MAST4: variants seen among roughly 807,000 people sequenced by gnomAD.
MAST4 encodes microtubule associated serine/threonine kinase family member 4.
A neutral mutation model predicts 162.7 loss-of-function variants in MAST4; 89 were observed. That is an observed-to-expected ratio of 0.55 (90% confidence interval 0.46 to 0.65). The LOEUF is 0.65. Ranked by LOEUF, MAST4 falls within the 30% of genes least tolerant of loss-of-function variation. The pLI is 0.00. For synonymous variants in MAST4, 1,479 were observed against 1,361.1 expected (o/e 1.09, Z -1.91); for missense variants, 3,153 against 3,374.0 (o/e 0.93, Z 1.62).
chr5:67,090,104 G>T, intron 5 of MAST4, 58 bp from the exon 6 acceptor site: 2 of 1,129,590 alleles, frequency 1.8e-6, no homozygotes, highest in South Asian at 2.6e-5. Flanking sequence ...GAGAATTATT[G>T]ATGTGGAAAT....
intron 18 of MAST4, among the ~76,000 whole-genome samples, chr5:67,135,391 G>A (rs577174496): frequency 3.9e-4 from 59 of 152,210 alleles, no homozygotes; most frequent in African/African-American, 1.4e-3. Context: ...AATTTCCCTG[G>A]AACATACATC....
At chr5:67,140,086 GAT>G (rs1298489400) in intron 19 of MAST4, among the ~76,000 whole-genome samples, 1 of 152,178 alleles carries the variant, frequency 6.6e-6, no homozygotes, top group Non-Finnish European at 1.5e-5. Flanking sequence ...CTGCTTTTCT[GAT>G]AAAATCGAGC....
chr5:67,154,895 T>A (rs1772296707), intron 26 of MAST4, among the ~76,000 whole-genome samples: 1 of 152,238 alleles, frequency 6.6e-6, no homozygotes, highest in African/African-American at 2.4e-5. Context: ...AATCAGAGTA[T>A]TAAGTGACTA....
chr5:66,799,803 G>T (rs1755828900), intron 3 of MAST4, among the ~76,000 whole-genome samples: 1 of 152,130 alleles, frequency 6.6e-6, no homozygotes, highest in African/African-American at 2.4e-5. Flanking sequence ...TCCAGTGCCT[G>T]GCTGCCTGGG....
chr5:66,806,794 T>A (rs560790568), intron 3 of MAST4, among the ~76,000 whole-genome samples: 100 of 152,336 alleles, frequency 6.6e-4, no homozygotes, highest in African/African-American at 2.3e-3. Flanking sequence ...TGTACTTTTT[T>A]ATTACATCTC....
At chr5:67,046,326 C>T (rs1350046269) in intron 4 of MAST4, among the ~76,000 whole-genome samples, 1 of 152,102 alleles carries the variant, frequency 6.6e-6, no homozygotes, top group Non-Finnish European at 1.5e-5. Flanking sequence ...GATGGATAAT[C>T]TGCAATGCAT....
chr5:67,141,498 G>T (rs1156693722), intron 19 of MAST4, among the ~76,000 whole-genome samples: 1 of 152,064 alleles, frequency 6.6e-6, no homozygotes, highest in African/African-American at 2.4e-5. Flanking sequence ...CTTTCATGCT[G>T]ACTTGGAAAA....
intron 4 of MAST4, among the ~76,000 whole-genome samples, chr5:66,981,942 T>C (rs924577794): frequency 2.0e-5 from 3 of 152,230 alleles, no homozygotes; most frequent in Admixed American, 1.3e-4. Context: ...TCTTACTCTT[T>C]GTTTATTTGA....
chr5:67,076,391 A>T (rs1006353792), intron 5 of MAST4, among the ~76,000 whole-genome samples: 3 of 152,112 alleles, frequency 2.0e-5, no homozygotes, highest in Admixed American at 6.5e-5. Flanking sequence ...ACACAGATGC[A>T]TGTGTCTGTT....
intron 1 of MAST4, among the ~76,000 whole-genome samples, chr5:66,691,156 A>G (rs1156952934): frequency 6.6e-6 from 1 of 152,308 alleles, no homozygotes; most frequent in South Asian, 2.1e-4. Context: ...TCATTAGACT[A>G]GATCGGTTTT....
intron 3 of MAST4, among the ~76,000 whole-genome samples, chr5:66,861,562 A>G (rs1018701539): frequency 2.6e-5 from 4 of 152,238 alleles, no homozygotes; most frequent in African/African-American, 7.2e-5. Context: ...CACACATGCT[A>G]TGTGAGCCCC....
chr5:66,776,264 G>A (rs1440388482), intron 2 of MAST4, among the ~76,000 whole-genome samples: 1 of 152,148 alleles, frequency 6.6e-6, no homozygotes, highest in African/African-American at 2.4e-5. Flanking sequence ...ATGTTGGATG[G>A]TTGTCAGAAA....
At chr5:66,668,481 A>T (rs1404357737) in intron 1 of MAST4, among the ~76,000 whole-genome samples, 1 of 152,226 alleles carries the variant, frequency 6.6e-6, no homozygotes, top group Admixed American at 6.5e-5. Context: ...AAGGGAGTCT[A>T]GAGTGGGTTG....
intron 19 of MAST4, among the ~76,000 whole-genome samples, chr5:67,136,932 A>G (rs1197328841): frequency 1.3e-5 from 2 of 152,230 alleles, no homozygotes; most frequent in East Asian, 1.9e-4. Flanking sequence ...ATTTGTTTCA[A>G]TAAATAAAGC....
chr5:66,649,400 G>A (rs1746067168), intron 1 of MAST4, among the ~76,000 whole-genome samples: 1 of 152,158 alleles, frequency 6.6e-6, no homozygotes, highest in African/African-American at 2.4e-5. Context: ...AGTCTTCTAT[G>A]AGTGGCCTCC....
intron 1 of MAST4, among the ~76,000 whole-genome samples, chr5:66,758,312 T>C (rs896958242): frequency 5.3e-5 from 8 of 152,134 alleles, no homozygotes; most frequent in African/African-American, 1.9e-4. Flanking sequence ...TCAACTAACT[T>C]GGGAAGGGTT....
chr5:66,623,306 C>G (rs1021070318), intron 1 of MAST4: 1 of 152,224 alleles, frequency 6.6e-6, no homozygotes, highest in African/African-American at 2.4e-5. Flanking sequence ...CCAGTGTCAC[C>G]CTGATTCCAA....
intron 1 of MAST4, among the ~76,000 whole-genome samples, chr5:66,647,028 A>G (rs1184619304): frequency 6.6e-6 from 1 of 152,178 alleles, no homozygotes; most frequent in Non-Finnish European, 1.5e-5. Flanking sequence ...CAAATGTAAT[A>G]TAACATCCAT....
intron 1 of MAST4, among the ~76,000 whole-genome samples, chr5:66,643,155 G>C (rs904626374): frequency 1.3e-5 from 2 of 152,114 alleles, no homozygotes; most frequent in African/African-American, 4.8e-5. Context: ...AAACATAAAA[G>C]CTACTTGCAG....
Sources: gnomAD v4.1 joint callset for allele counts (sites outside exome capture counted in the v4.1 genomes callset) on GRCh38, gnomAD v4.1.1 for gene constraint, MANE v1.5 for transcripts, NCBI Gene and HGNC (gene_info 2026-07-23, HGNC 2026-07-21) for gene names.